KIF5C: variants seen among roughly 807,000 people sequenced by gnomAD.
The protein encoded by KIF5C is kinesin heavy chain isoform 5C.
KIF5C carries 18 observed loss-of-function variants against 125.2 expected under a neutral mutation model. The ratio of observed to expected loss-of-function variants is 0.14; its 90% CI spans 0.10 to 0.21. The LOEUF (loss-of-function observed/expected upper bound fraction) is 0.21. KIF5C is among the 10% of genes least tolerant of loss of function. The probability of loss-of-function intolerance (pLI) is 1.00; values close to 1 mark genes in which losing one functional copy is unlikely to be tolerated. For missense variants in KIF5C, 780 were observed against 1,183.8 expected (o/e 0.66, Z 5.01); for synonymous variants, 405 against 434.0 (o/e 0.93, Z 0.83).
chr2:148,901,998 C>T (rs1208258167), intron 1 of KIF5C, among the ~76,000 whole-genome samples: 3 of 152,208 alleles, frequency 2.0e-5, no homozygotes, highest in African/African-American at 7.2e-5. Flanking sequence ...GGATTGGTTA[C>T]TTCTTGCCCC....
At chr2:148,934,222 C>A (rs1682241025) in intron 3 of KIF5C, among the ~76,000 whole-genome samples, 1 of 150,322 alleles carries the variant, frequency 6.7e-6, no homozygotes, top group Admixed American at 6.6e-5. Context: ...CCACATACAT[C>A]ATACATATAC....
rs1463967524 is a variant in KIF5C at position 148,970,390 on chromosome 2, T to A, written c.1118-2946T>A. On this transcript the variant is annotated intron_variant, in intron 11 of 25. Transcript: ENST00000435030. The stretch of plus-strand genomic sequence containing the variant: ...GGACTTTGAACAATATTGCCTTTTG[T>A]GCTTTTTACATATACTATCTTCATT... Among the ~76,000 whole-genome samples the A allele has an allele frequency of 2.0e-5, 3 of 152,352 alleles. No homozygotes were observed. The East Asian group carries it at 5.8e-4, about 29-fold the overall frequency.
At chr2:148,916,960 T>C (rs1286115389) in intron 1 of KIF5C, among the ~76,000 whole-genome samples, 5 of 152,094 alleles carry the variant, frequency 3.3e-5, no homozygotes, top group Non-Finnish European at 7.4e-5. Context: ...TGCTGATGGG[T>C]TGAAATGACC....
chr2:148,889,811 C>T (rs749064165), intron 1 of KIF5C, among the ~76,000 whole-genome samples: 1 of 152,152 alleles, frequency 6.6e-6, no homozygotes, highest in Admixed American at 6.5e-5. Context: ...GGCACATCAT[C>T]CTCTGGGCAT....
At position 148,983,756 on chromosome 2, in the gene KIF5C, A is replaced by T; in HGVS notation, c.1706A>T (p.Asp569Val). 1 of 1,605,418 alleles carries T rather than the reference A, an allele frequency of 6.2e-7. No homozygotes were observed. The highest frequency in any genetic ancestry group is 8.5e-7 in the Non-Finnish European group (1 of 1,175,100). ...ATAGGTGGAATTATTGGCACCAATG[A>T]TGTGAAAACTGTAAGCCAGCCCTTC... ...GEIGGIIGTNDVKTLADVNGV... is the reference protein window; with the variant it reads ...GEIGGIIGTNVVKTLADVNGV... Residue 569 changes from aspartate to valine, a missense_variant, in exon 15 of 26, where the codon GAT (aspartate) becomes GTT (valine). By Grantham distance (152) the Asp-to-Val change is radical (BLOSUM62 -3). Around this residue, in one of 2 missense-constraint regions of KIF5C, gnomAD observed 573 missense variants for 742.6 expected, o/e 0.77. Coordinates refer to ENST00000435030, the MANE Select transcript of KIF5C (RefSeq NM_004522.3).
intron 1 of KIF5C, among the ~76,000 whole-genome samples, chr2:148,914,231 C>A (rs2105071417): frequency 6.6e-6 from 1 of 152,274 alleles, no homozygotes; most frequent in African/African-American, 2.4e-5. Flanking sequence ...GGTAAGGGTA[C>A]ACAGCAATCA....
chr2:148,889,113 T>A (rs1172743543), intron 1 of KIF5C, among the ~76,000 whole-genome samples: 1 of 152,198 alleles, frequency 6.6e-6, no homozygotes, highest in Non-Finnish European at 1.5e-5. Context: ...GTGAACATTT[T>A]AATTTGATCC....
At chr2:148,918,845 G>A (rs941708274) in intron 1 of KIF5C, among the ~76,000 whole-genome samples, 2 of 152,204 alleles carry the variant, frequency 1.3e-5, no homozygotes, top group African/African-American at 2.4e-5. Flanking sequence ...AGTTAGGAGC[G>A]AGAATTAAGG....
rs890281605 is a variant in KIF5C at position 149,010,371 on chromosome 2, C to A, written c.2767+20C>A. ...AGATCGGTACGTGCGTGCACAGTGG[C>A]GCCCGGGGTTTGAGAAGCTACTGCG... On this transcript the variant is annotated intron_variant, in intron 24 of 25. Transcript: ENST00000435030. 2 of 1,524,996 alleles carry A rather than the reference C, an allele frequency of 1.3e-6. No individual in the cohort carries two copies. The highest frequency in any genetic ancestry group is 8.8e-7 in the Non-Finnish European group (1 of 1,135,884). The allele number at this position is 1,524,996 out of a possible 1,614,324, so 94.5% of individuals were successfully genotyped here.
intron 2 of KIF5C, among the ~76,000 whole-genome samples, chr2:148,925,373 T>C (rs1681949429): frequency 2.0e-5 from 3 of 152,176 alleles, no homozygotes; most frequent in Admixed American, 2.0e-4. Flanking sequence ...CATTATCAGA[T>C]CTGTTTTGTT....
At chr2:148,928,334 T>C (rs1682083531) in intron 2 of KIF5C, among the ~76,000 whole-genome samples, 1 of 152,174 alleles carries the variant, frequency 6.6e-6, no homozygotes. Context: ...CTACAGCTTG[T>C]GCAAATGAAG....
intron 1 of KIF5C, among the ~76,000 whole-genome samples, chr2:148,885,226 T>G (rs1370420502): frequency 6.6e-6 from 1 of 152,168 alleles, no homozygotes; most frequent in Admixed American, 6.5e-5. Context: ...GCTCGAGCAA[T>G]CCACCTGCCT....
chr2:148,917,076 C>T (rs1158786803), intron 1 of KIF5C, among the ~76,000 whole-genome samples: 1 of 152,202 alleles, frequency 6.6e-6, no homozygotes, highest in Non-Finnish European at 1.5e-5. Flanking sequence ...TTGGCCTTTG[C>T]CCATTTTTAA....
At chr2:148,990,875 T>C (rs2105172232) in intron 15 of KIF5C, 135 bp from the exon 16 acceptor site, 2 of 1,416,836 alleles carry the variant, frequency 1.4e-6, no homozygotes, top group South Asian at 1.6e-5. Flanking sequence ...TTTAGTACTT[T>C]CCGCTTGTCC....
rs145279364 is a variant in KIF5C at position 148,897,893 on chromosome 2, T to C, written c.126+22150T>C. ...GAGATCATGCCACTGTACTCCAGCCTGGCTGACAGAGTAAGACTCAGTCTC... is the reference window on the plus strand; with the variant it reads ...GAGATCATGCCACTGTACTCCAGCCCGGCTGACAGAGTAAGACTCAGTCTC... On this transcript the variant is annotated intron_variant, in intron 1 of 25. Coordinates refer to ENST00000435030, the MANE Select transcript of KIF5C (RefSeq NM_004522.3). 2.8e-4 allele frequency among the ~76,000 whole-genome samples: 31 copies of C among 110,760 alleles called. No homozygotes were observed. In the Middle Eastern group the frequency reaches 0.026, roughly 92 times the overall value. 72.7% of individuals were successfully genotyped at this position (110,760 alleles called of 152,430 possible). A position where few individuals can be genotyped will look rare whatever the true frequency, so the allele number is the denominator to read the frequency against.
At chr2:148,938,912 C>T (rs1297460389) in intron 4 of KIF5C, among the ~76,000 whole-genome samples, 1 of 151,582 alleles carries the variant, frequency 6.6e-6, no homozygotes, top group East Asian at 1.9e-4. Flanking sequence ...ATGGTGAAAC[C>T]CTGTCTCAAC....
In KIF5C at chr2:148,875,549, C is replaced by T. The variant is rs1681155000; in HGVS notation, c.-69C>T. 2 of 1,320,472 alleles carry T rather than the reference C, an allele frequency of 1.5e-6. No homozygotes were observed. The highest frequency in any genetic ancestry group is 5.0e-5 in the East Asian group (2 of 39,634). The allele number at this position is 1,320,472 out of a possible 1,614,324, so 81.8% of individuals were successfully genotyped here. On this transcript the variant is annotated 5_prime_UTR_variant, in exon 1 of 26. Coordinates refer to ENST00000435030, the MANE Select transcript of KIF5C (RefSeq NM_004522.3). ...AGCTGTGGGCGGTGCAGCTCGCGGC[C>T]TCCTCCCTCGTCGTTCCCGGCCCCG...
At chr2:148,983,577 G>A in intron 14 of KIF5C, 43 bp from the exon 15 acceptor site, 4 of 1,502,396 alleles carry the variant, frequency 2.7e-6, no homozygotes, top group Non-Finnish European at 3.6e-6. Context: ...GTATGAAATT[G>A]ATGGGCAACC....
intron 11 of KIF5C, among the ~76,000 whole-genome samples, 191 bp downstream of exon 11, chr2:148,962,310 C>T (rs1016521816): frequency 3.3e-5 from 5 of 151,668 alleles, no homozygotes; most frequent in Middle Eastern, 3.4e-3. Flanking sequence ...GGATTACAGG[C>T]GTGCACCACC....
Sources: gnomAD v4.1 joint callset for allele counts (sites outside exome capture counted in the v4.1 genomes callset) on GRCh38, gnomAD v4.1.1 for gene constraint, gnomAD v4.1.1 regional missense constraint, MANE v1.5 for transcripts, NCBI Gene and HGNC (gene_info 2026-07-23, HGNC 2026-07-21) for gene names.